The following METTL15 variants were observed in gnomAD, a reference collection of about 807,000 sequenced individuals.
METTL15 encodes 12S rRNA N(4)-cytidine methyltransferase METTL15.
METTL15 carries 34 observed loss-of-function variants against 38.3 expected under a neutral mutation model. The ratio of observed to expected loss-of-function variants is 0.89; its 90% CI spans 0.68 to 1.18. The LOEUF (loss-of-function observed/expected upper bound fraction) is 1.18, where lower values mean the gene tolerates loss of function less well. Among genes scored for constraint, METTL15 ranks in the 50% most tolerant of loss-of-function variants. METTL15 has a pLI of 0.00. For synonymous variants in METTL15, 162 were observed against 170.9 expected, an observed-to-expected ratio of 0.95 and a Z score of 0.41; for missense variants, 438 against 498.4, an observed-to-expected ratio of 0.88 and a Z score of 1.15.
intron 4 of METTL15, among the ~76,000 whole-genome samples, chr11:28,257,970 G>T (rs1375049626): frequency 6.6e-6 from 1 of 152,156 alleles, no homozygotes; most frequent in Non-Finnish European, 1.5e-5. Flanking sequence ...GGTCATGGAA[G>T]AGTTATGTAT....
intron 6 of METTL15, among the ~76,000 whole-genome samples, chr11:28,430,314 G>A (rs1358682077): frequency 1.5e-4 from 19 of 129,344 alleles, no homozygotes; most frequent in Admixed American, 1.1e-3. Context: ...CGTGCCATCC[G>A]GGAGGGAGGT....
chr11:28,402,053 G>A (rs1850635344), intron 5 of METTL15, among the ~76,000 whole-genome samples: 2 of 151,882 alleles, frequency 1.3e-5, no homozygotes, highest in African/African-American at 2.4e-5. Context: ...TGTTTTGGTA[G>A]TTTCTAGAAC....
At chr11:28,510,076 A>G (rs955120877) in intron 6 of METTL15, among the ~76,000 whole-genome samples, 13 of 152,190 alleles carry the variant, frequency 8.5e-5, no homozygotes, top group Non-Finnish European at 1.8e-4. Flanking sequence ...CTGAAGTGCT[A>G]TGCAGGCCAG....
chr11:28,459,747 C>T (rs1851198880), intron 6 of METTL15, among the ~76,000 whole-genome samples: 1 of 152,130 alleles, frequency 6.6e-6, no homozygotes, highest in Admixed American at 6.5e-5. Context: ...TGAGTGAAAT[C>T]ATTGACCTCA....
intron 3 of METTL15, among the ~76,000 whole-genome samples, chr11:28,171,745 T>G (rs1285399988): frequency 1.3e-5 from 2 of 152,016 alleles, no homozygotes; most frequent in East Asian, 3.9e-4. Context: ...TTTAAAAATT[T>G]TCAAATCTTT....
At chr11:28,203,684 C>T (rs1852199464) in intron 3 of METTL15, among the ~76,000 whole-genome samples, 1 of 151,948 alleles carries the variant, frequency 6.6e-6, no homozygotes, top group East Asian at 1.9e-4. Context: ...TGTTATGTCC[C>T]TTTGACCTGT....
Position 28,386,438 on chromosome 11 carries a change from G to GA in METTL15, c.*358+24410dup, listed in dbSNP as rs1168933783. On this transcript the variant is annotated intron_variant and NMD_transcript_variant, in intron 5 of 7. Transcript: ENST00000532947. ...AACAGGGTTGATCATACTTACATCAGAAAAAAAATAGACTTTAAGTTAAAA... is the reference window on the plus strand; with the variant it reads ...AACAGGGTTGATCATACTTACATCAGAAAAAAAAATAGACTTTAAGTTAAAA... Among the ~76,000 whole-genome samples the GA allele has an allele frequency of 5.8e-4, 87 of 150,884 alleles. 1 individual carries two copies. In the South Asian group the frequency reaches 0.014, roughly 25 times the overall value.
chr11:28,308,820 C>T (rs560960535), intron 6 of METTL15, among the ~76,000 whole-genome samples: 89 of 152,120 alleles, frequency 5.9e-4, no homozygotes, highest in African/African-American at 2.0e-3. Flanking sequence ...ATTGAAACTT[C>T]TTCATCACTA....
At chr11:28,456,418 G>A (rs754946154) in intron 6 of METTL15, among the ~76,000 whole-genome samples, 1 of 151,712 alleles carries the variant, frequency 6.6e-6, no homozygotes, top group African/African-American at 2.4e-5. Context: ...AGCCCCCAGG[G>A]TTGTTTTTTT....
chr11:28,391,864 A>G (rs1318313349), intron 5 of METTL15, among the ~76,000 whole-genome samples: 1 of 152,192 alleles, frequency 6.6e-6, no homozygotes, highest in African/African-American at 2.4e-5. Context: ...TAAAAACCCT[A>G]GAAGAAAACC....
intron 4 of METTL15, among the ~76,000 whole-genome samples, chr11:28,212,835 G>C (rs372570835): frequency 6.6e-6 from 1 of 152,110 alleles, no homozygotes; most frequent in African/African-American, 2.4e-5. Context: ...CTGAATTCTC[G>C]TAAGATATTG....
At chr11:28,320,154 C>G (rs1378269741) in intron 6 of METTL15, among the ~76,000 whole-genome samples, 1 of 148,490 alleles carries the variant, frequency 6.7e-6, no homozygotes, top group Non-Finnish European at 1.5e-5. Flanking sequence ...ACCTCAGATG[C>G]AATTCAGTTG....
chr11:28,387,742 G>C (rs979250171), intron 5 of METTL15, among the ~76,000 whole-genome samples: 16 of 152,146 alleles, frequency 1.1e-4, no homozygotes, highest in African/African-American at 3.9e-4. Context: ...GATGCTGTAA[G>C]AAAAGAAAAC....
chr11:28,401,648 C>G (rs1323799952), intron 5 of METTL15, among the ~76,000 whole-genome samples: 4 of 151,956 alleles, frequency 2.6e-5, no homozygotes, highest in Non-Finnish European at 4.4e-5. Flanking sequence ...GAGTGCACAG[C>G]AGACCTGCAT....
At chr11:28,498,282 C>T (rs959238572) in intron 6 of METTL15, among the ~76,000 whole-genome samples, 4 of 151,996 alleles carry the variant, frequency 2.6e-5, no homozygotes, top group East Asian at 1.9e-4. Context: ...CCTCAGCCTC[C>T]GGAGTAGCTG....
At chr11:28,375,917 G>A (rs142502460) in intron 5 of METTL15, among the ~76,000 whole-genome samples, 14,811 of 151,634 alleles carry the variant, frequency 0.098, 1,086 homozygotes, top group East Asian at 0.35. Flanking sequence ...CCTTCATTTC[G>A]TTATGTACCC....
intron 6 of METTL15, among the ~76,000 whole-genome samples, chr11:28,502,609 G>T (rs913887386): frequency 1.3e-5 from 2 of 152,198 alleles, no homozygotes; most frequent in African/African-American, 4.8e-5. Context: ...CATTTTCTTT[G>T]CATATTTTTA....
At chr11:28,430,238 C>A (rs1358134874) in intron 6 of METTL15, among the ~76,000 whole-genome samples, 1 of 148,958 alleles carries the variant, frequency 6.7e-6, no homozygotes, top group African/African-American at 2.5e-5. Context: ...GGGGGGTCAG[C>A]CCCCCGCCAG....
At chr11:28,186,912 A>G (rs1851516011) in intron 3 of METTL15, among the ~76,000 whole-genome samples, 1 of 151,156 alleles carries the variant, frequency 6.6e-6, no homozygotes, top group African/African-American at 2.4e-5. Context: ...CTATTTTTAT[A>G]CTAAATCACT....
Sources: allele counts gnomAD v4.1 joint callset (sites outside exome capture counted in the v4.1 genomes callset), GRCh38; gene constraint gnomAD v4.1.1; transcripts MANE v1.5; gene names NCBI Gene and HGNC (gene_info 2026-07-23, HGNC 2026-07-21).